The following AKR1E2 variants were observed in gnomAD, a reference collection of about 807,000 sequenced individuals.
The protein encoded by AKR1E2 is 1,5-anhydro-D-fructose reductase.
AKR1E2 carries 43 observed loss-of-function variants against 41.9 expected under a neutral mutation model. The observed-to-expected ratio is 1.03, with a 90% CI of 0.80 to 1.32. AKR1E2 has a LOEUF of 1.32. Among genes scored for constraint, AKR1E2 ranks in the 40% most tolerant of loss-of-function variants. The pLI is 0.00. For missense variants in AKR1E2, 423 were observed against 396.5 expected, an observed-to-expected ratio of 1.07 and a Z score of -0.57; for synonymous variants, 121 against 138.9, an observed-to-expected ratio of 0.87 and a Z score of 0.91.
intron 6 of AKR1E2, among the ~76,000 whole-genome samples, chr10:4,840,583 C>T (rs1445742703): frequency 6.6e-6 from 1 of 152,188 alleles, no homozygotes; most frequent in African/African-American, 2.4e-5. Flanking sequence ...GCCAGCCTGA[C>T]CTCTGCCTGC....
chr10:4,832,875 G>A (rs77838627), intron 2 of AKR1E2, among the ~76,000 whole-genome samples: 5,384 of 152,296 alleles, frequency 0.035, 146 homozygotes, highest in East Asian at 0.11. Context: ...TGTGGAAGGA[G>A]ATAGCTAAAA....
rs1229782831 is a variant in AKR1E2, at chr10:4,826,298, G to A, written c.-27G>A. The stretch of plus-strand genomic sequence containing the variant: ...TGTCGGTAGTCGCGTGCGGGGCGGC[G>A]GGGCGGCGGGGCGGCCGGCGGCGGC... On this transcript the variant is annotated 5_prime_UTR_variant, in exon 1 of 10. Transcript: ENST00000298375. 8.1e-6 allele frequency: 10 copies of A among 1,231,836 alleles called. No individual in the cohort carries two copies. Among genetic ancestry groups the A allele is most frequent in the Non-Finnish European group, 7.1e-6 (7 of 986,540 alleles). 76.3% of individuals were successfully genotyped at this position (1,231,836 alleles called of 1,614,324 possible). A position where few individuals can be genotyped will look rare whatever the true frequency, so the allele number is the denominator to read the frequency against.
intron 6 of AKR1E2, 29 bp from the exon 7 acceptor site, chr10:4,841,756 G>C (rs745773813): frequency 6.8e-7 from 1 of 1,475,366 alleles, no homozygotes; most frequent in Non-Finnish European, 9.1e-7. Flanking sequence ...GGATCTCCTG[G>C]CTCACTCCCC....
intron 6 of AKR1E2, among the ~76,000 whole-genome samples, chr10:4,840,145 C>T (rs1833757671): frequency 6.6e-6 from 1 of 152,148 alleles, no homozygotes; most frequent in Admixed American, 6.5e-5. Context: ...GACAAGGATG[C>T]TCCCCAGGCC....
At chr10:4,861,997 T>C in the AKR1E2 span, among the ~76,000 whole-genome samples, 1 of 152,206 alleles carries the variant, frequency 6.6e-6, no homozygotes, top group African/African-American at 2.4e-5. Flanking sequence ...AGACATGAAG[T>C]CCTTGCCCAT....
At chr10:4,865,969 T>TCAA in the AKR1E2 span, among the ~76,000 whole-genome samples, 2 of 152,132 alleles carry the variant, frequency 1.3e-5, no homozygotes, top group Non-Finnish European at 2.9e-5. Context: ...TCCCCTAGGG[T>TCAA]TCTTTTGGTC....
At position 4,847,599 on chromosome 10, in the gene AKR1E2, T is replaced by C; in HGVS notation, c.*69T>C. On this transcript the variant is annotated 3_prime_UTR_variant, in exon 10 of 10. Coordinates refer to ENST00000298375, the MANE Select transcript of AKR1E2 (RefSeq NM_001040177.3). Reference sequence around the variant, plus strand: ...ACACTATTGGCAATGTTGACCCTCCTCTGTCATCACAGCGCCAGGGCAGCT... The same window carrying C: ...ACACTATTGGCAATGTTGACCCTCCCCTGTCATCACAGCGCCAGGGCAGCT... The C allele has an allele frequency of 6.4e-7, 1 of 1,566,748 alleles. No individual in the cohort carries two copies. Among genetic ancestry groups the C allele is most frequent in the African/African-American group, 1.4e-5 (1 of 73,640 alleles).
rs1381343060 is a variant in AKR1E2 at position 4,842,319 on chromosome 10, T to C, written c.754-102T>C. On this transcript the variant is annotated intron_variant, in intron 7 of 9. Transcript: ENST00000298375. Reference sequence around the variant, plus strand: ...CAGTAACAATAGCTGCTGTCATTGATTCTTGGACTCTTACTGCATGATAAA... The same window carrying C: ...CAGTAACAATAGCTGCTGTCATTGACTCTTGGACTCTTACTGCATGATAAA... The C allele has an allele frequency of 6.0e-6, 6 of 1,007,268 alleles. No homozygotes were observed. The African/African-American group carries it at 7.9e-5, about 13-fold the overall frequency. 62.4% of individuals were successfully genotyped at this position (1,007,268 alleles called of 1,614,324 possible). A position where few individuals can be genotyped will look rare whatever the true frequency, so the allele number is the denominator to read the frequency against.
chr10:4,826,640 G>C (rs183938489), intron 1 of AKR1E2, among the ~76,000 whole-genome samples: 165 of 152,322 alleles, frequency 1.1e-3, no homozygotes, highest in Non-Finnish European at 1.6e-3. Flanking sequence ...CTGCGGCCGC[G>C]GCGTTGGGCG....
chr10:4,862,149 G>T, the AKR1E2 span, among the ~76,000 whole-genome samples: 72 of 152,264 alleles, frequency 4.7e-4, 3 homozygotes, highest in South Asian at 0.014. Context: ...TTCTACATAT[G>T]GCTAGCCAGT....
chr10:4,861,587 T>C, the AKR1E2 span, among the ~76,000 whole-genome samples: 1 of 152,062 alleles, frequency 6.6e-6, no homozygotes, highest in Admixed American at 6.6e-5. Context: ...CAGGCTGGTC[T>C]CAAACTCCTG....
At position 4,835,787 on chromosome 10, in the gene AKR1E2, C is replaced by T. The variant is rs528543697; in HGVS notation, c.437C>T (p.Thr146Met). 3.7e-6 allele frequency: 6 copies of T among 1,614,090 alleles called. No homozygotes were observed. The Admixed American group carries it at 5.0e-5, about 13-fold the overall frequency. Residue 146 changes from threonine (T) to methionine (M), a missense_variant, in exon 4 of 10, where the codon ACG (threonine) becomes ATG (methionine). Physicochemically the swap from Thr to Met is moderately conservative, Grantham distance 81 (BLOSUM62 -1). Coordinates refer to ENST00000298375, the MANE Select transcript of AKR1E2 (RefSeq NM_001040177.3). Reference protein sequence around the residue: ...DESNMVIPSDTDFLDTWEAME... With the variant: ...DESNMVIPSDMDFLDTWEAME... ...AGCAACATGGTTATTCCCAGTGACA[C>T]GGACTTCCTGGACACGTGGGAGGTG... is the stretch of plus-strand genomic sequence containing the variant.
intron 9 of AKR1E2, 56 bp from the exon 10 acceptor site, chr10:4,847,432 T>C: frequency 6.3e-7 from 1 of 1,594,376 alleles, no homozygotes; most frequent in Non-Finnish European, 8.6e-7. Flanking sequence ...AAAATGTTTC[T>C]CTTAAAAAAT....
rs984335648 is a variant in AKR1E2, at chr10:4,847,851, G to A, written c.*321G>A. Reference sequence around the variant, plus strand: ...TTATTTAAGCCATCTACAGAGCTGAGGAAACAGTGTAATGTGTCTCTGCCC... The same window carrying A: ...TTATTTAAGCCATCTACAGAGCTGAAGAAACAGTGTAATGTGTCTCTGCCC... On this transcript the variant is annotated 3_prime_UTR_variant, in exon 10 of 10. Transcript: ENST00000298375. 2.8e-5 allele frequency: 9 copies of A among 321,086 alleles called. 1 individual carries two copies. Among genetic ancestry groups the A allele is most frequent in the Non-Finnish European group, 4.6e-5 (8 of 175,398 alleles). The allele number at this position is 321,086 out of a possible 1,614,324, so 19.9% of individuals were successfully genotyped here. A position where few individuals can be genotyped will look rare whatever the true frequency, so the allele number is the denominator to read the frequency against.
In AKR1E2 at chr10:4,847,540, C is replaced by T. The variant is rs74111762; in HGVS notation, c.*10C>T. 0.064 allele frequency: 103,109 copies of T among 1,612,890 alleles called. 3,674 individuals are homozygous for T. The highest frequency in any genetic ancestry group is 0.071 in the Non-Finnish European group (83,906 of 1,179,198). The stretch of plus-strand genomic sequence containing the variant: ...CCACATAGAATACTGAGGACGCTTC[C>T]CCTTCCTTGTTTCTGCTCAGCCCAG... On this transcript the variant is annotated 3_prime_UTR_variant, in exon 10 of 10. Transcript: ENST00000298375.
intron 6 of AKR1E2, among the ~76,000 whole-genome samples, chr10:4,841,286 C>T (rs1465052534): frequency 2.0e-5 from 3 of 152,194 alleles, no homozygotes; most frequent in African/African-American, 7.2e-5. Flanking sequence ...CGTGCCTGAG[C>T]AGAGGATGCA....
chr10:4,865,450 A>C, the AKR1E2 span, among the ~76,000 whole-genome samples: 1 of 152,196 alleles, frequency 6.6e-6, no homozygotes, highest in Non-Finnish European at 1.5e-5. Context: ...GATAGTAAAC[A>C]TTGAAGCTAG....
At chr10:4,845,551 G>A (rs909590364) in intron 8 of AKR1E2, among the ~76,000 whole-genome samples, 21 of 151,150 alleles carry the variant, frequency 1.4e-4, no homozygotes, top group Admixed American at 1.4e-3. Flanking sequence ...GCCCTGCAGG[G>A]CAGCTAGGAT....
downstream of AKR1E2, among the ~76,000 whole-genome samples, chr10:4,849,065 C>A (rs1364900753): frequency 6.6e-6 from 1 of 152,204 alleles, no homozygotes; most frequent in South Asian, 2.1e-4. Flanking sequence ...CAAGAGAGGA[C>A]TTTGCTGCGG....
Sources: gnomAD v4.1 joint callset for allele counts (sites outside exome capture counted in the v4.1 genomes callset) on GRCh38, gnomAD v4.1.1 for gene constraint, MANE v1.5 for transcripts, NCBI Gene and HGNC (gene_info 2026-07-23, HGNC 2026-07-21) for gene names.